The following RGL2 variants were observed in gnomAD, a reference collection of about 807,000 sequenced individuals.
The protein encoded by RGL2 is ral guanine nucleotide dissociation stimulator-like 2.
RGL2 carries 40 observed loss-of-function variants against 84.6 expected under a neutral mutation model. The observed-to-expected ratio is 0.47, with a 90% CI of 0.37 to 0.62. The LOEUF (loss-of-function observed/expected upper bound fraction) is 0.62, where lower values mean the gene tolerates loss of function less well. Ranked by LOEUF, RGL2 falls within the 20% of genes least tolerant of loss-of-function variation. RGL2 has a pLI of 0.00. For missense variants in RGL2, 865 were observed against 1,019.7 expected (o/e 0.85, Z 2.07); for synonymous variants, 369 against 417.3 (o/e 0.88, Z 1.41).
In RGL2 at chr6:33,297,083, ATCC is replaced by A. The variant is rs1161287940; in HGVS notation, c.186_188del (p.Glu62del). 2.5e-6 allele frequency: 4 copies of A among 1,570,012 alleles called. No homozygotes were observed. Among genetic ancestry groups the A allele is most frequent in the Admixed American group, 1.9e-5 (1 of 53,020 alleles). Reference sequence around the variant, plus strand: ...GGCTTGTGACGGTAAACACGGCACCATCCTCCTCCTCATCCCAGACGGACACAG... The same window carrying A: ...GGCTTGTGACGGTAAACACGGCACCATCCTCCTCATCCCAGACGGACACAG... On this transcript the variant is annotated inframe_deletion, in exon 3 of 18. Transcript: ENST00000497454. This position sits in a 1 kb window ranked among gnomAD's most constrained non-coding sequence, Gnocchi z 4.0.
In RGL2 at chr6:33,291,817, A is replaced by C; in HGVS notation, c.*285T>G. 1.8e-6 allele frequency: 1 copy of C among 569,344 alleles called. No individual in the cohort carries two copies. Among genetic ancestry groups the C allele is most frequent in the Non-Finnish European group, 3.1e-6 (1 of 321,240 alleles). 35.3% of individuals were successfully genotyped at this position (569,344 alleles called of 1,614,324 possible). A position where few individuals can be genotyped will look rare whatever the true frequency, so the allele number is the denominator to read the frequency against. ...TTGCTTGGCCCTTGCATGTTAGGAT[A>C]TGGCCAAGAATCAGAAACTGATGCG... is the stretch of plus-strand genomic sequence containing the variant. On this transcript the variant is annotated 3_prime_UTR_variant, in exon 18 of 18. Transcript: ENST00000497454.
chr6:33,297,279 C>A lies in RGL2; in HGVS notation c.157-164G>T. On this transcript the variant is annotated intron_variant, in intron 2 of 17. Coordinates refer to ENST00000497454, the MANE Select transcript of RGL2 (RefSeq NM_004761.5). The surrounding 1 kb of genome is among the most constrained non-coding windows in gnomAD (Gnocchi z 4.0). ...GTTGGGGGAGCTGGTGACCCCAGGT[C>A]TCCCCCACTGGGGCCCAGACAGCCC... 1 of 568,594 alleles carries A rather than the reference C, an allele frequency of 1.8e-6. No individual in the cohort carries two copies. 35.2% of individuals were successfully genotyped at this position (568,594 alleles called of 1,614,324 possible). A position where few individuals can be genotyped will look rare whatever the true frequency, so the allele number is the denominator to read the frequency against.
upstream of RGL2, chr6:33,300,909 T>G (rs1434892850): frequency 1.4e-5 from 2 of 144,174 alleles, no homozygotes; most frequent in East Asian, 4.1e-4. Flanking sequence ...GAGCTTGCAG[T>G]GAGCCGAGAT....
chr6:33,292,640 G>A, intron 16 of RGL2, 96 bp from the exon 17 acceptor site: 1 of 1,033,522 alleles, frequency 9.7e-7, no homozygotes, highest in Non-Finnish European at 1.5e-6. Context: ...TGTTACTTGT[G>A]TCCAAGGCTT....
At position 33,293,819 on chromosome 6, in the gene RGL2, A is replaced by G; in HGVS notation, c.1484T>C (p.Leu495Pro). The G allele has an allele frequency of 6.2e-7, 1 of 1,614,120 alleles. No individual in the cohort carries two copies. The highest frequency in any genetic ancestry group is 8.5e-7 in the Non-Finnish European group (1 of 1,180,020). The change falls in exon 13 of 18, where the codon CTC (leucine) becomes CCC (proline). Residue 495 changes from leucine (L) to proline (P), a missense_variant. By Grantham distance (98) the Leu-to-Pro change is moderately conservative (BLOSUM62 -3). Transcript: ENST00000497454. The surrounding 1 kb of genome is among the most constrained non-coding windows in gnomAD (Gnocchi z 7.0). ...DHDIQRWLQG[L>P]RPLTEAQSHR... ...CCTCTGAGCCTCTGTCAGTGGCCGG[A>G]GCCCCTGTAGCCACCTCTGGATATC...
At position 33,294,149 on chromosome 6, in the gene RGL2, C is replaced by G; in HGVS notation, c.1354-83G>C. The G allele has an allele frequency of 6.6e-7, 1 of 1,507,202 alleles. No homozygotes were observed. Among genetic ancestry groups the G allele is most frequent in the Non-Finnish European group, 9.0e-7 (1 of 1,109,222 alleles). The allele number at this position is 1,507,202 out of a possible 1,614,324, so 93.4% of individuals were successfully genotyped here. A position where few individuals can be genotyped will look rare whatever the true frequency, so the allele number is the denominator to read the frequency against. On this transcript the variant is annotated intron_variant, in intron 11 of 17. Transcript: ENST00000497454. The surrounding 1 kb of genome is among the most constrained non-coding windows in gnomAD (Gnocchi z 5.0). ...GAGAATATCCCCTCTCTTAAACACA[C>G]ACAGCCACATCCAACTCACAACCAC...
Position 33,293,513 on chromosome 6 carries a change from G to A in RGL2, c.1616C>T (p.Ser539Phe). The change falls in exon 15 of 18, where the codon TCT (serine) becomes TTT (phenylalanine). Residue 539 changes from serine to phenylalanine, a missense_variant. By Grantham distance (155) the Ser-to-Phe change is radical. Coordinates refer to ENST00000497454, the MANE Select transcript of RGL2 (RefSeq NM_004761.5). The surrounding 1 kb of genome is among the most constrained non-coding windows in gnomAD (Gnocchi z 7.0). Reference protein sequence around the residue: ...VISQWTEVLGSVGVPTPLVSC... With the variant: ...VISQWTEVLGFVGVPTPLVSC... ...CACAAGCGGGGTAGGGACCCCAACA[G>A]AGCCCAAAACCCTGCAGTGGCAGGA... The A allele has an allele frequency of 6.2e-7, 1 of 1,613,910 alleles. No individual in the cohort carries two copies.
In RGL2 at chr6:33,293,874, A is replaced by G; in HGVS notation, c.1429T>C (p.Cys477Arg). 1 of 1,614,056 alleles carries G rather than the reference A, an allele frequency of 6.2e-7. No individual in the cohort carries two copies. Residue 477 changes from cysteine (C) to arginine (R), a missense_variant, in exon 13 of 18, where the codon TGT becomes CGT. By Grantham distance (180) the Cys-to-Arg change is radical (BLOSUM62 -3). Coordinates refer to ENST00000497454, the MANE Select transcript of RGL2 (RefSeq NM_004761.5). The surrounding 1 kb of genome is among the most constrained non-coding windows in gnomAD (Gnocchi z 7.0). Reference protein sequence around the residue: ...LSELRRLQNECRGYNLQPDHD... With the variant: ...LSELRRLQNERRGYNLQPDHD... ...TCAGGTTGGAGGTTATAGCCACGAC[A>G]TTCATTCTGGAGCCGTCGCAACTCA...
upstream of RGL2, chr6:33,301,573 CAAAAAAA>C (rs11350807): frequency 1.9e-5 from 8 of 426,812 alleles, no homozygotes; most frequent in Admixed American, 3.7e-4. Context: ...GACTCCGTCT[CAAAAAAA>C]AAAAAAAAAG....
Position 33,291,919 on chromosome 6 carries a change from C to T in RGL2, c.*183G>A, listed in dbSNP as rs888257167. The T allele has an allele frequency of 3.1e-6, 2 of 651,104 alleles. No individual in the cohort carries two copies. Among genetic ancestry groups the T allele is most frequent in the African/African-American group, 1.8e-5 (1 of 54,950 alleles). The allele number at this position is 651,104 out of a possible 1,614,324, so 40.3% of individuals were successfully genotyped here. ...ACAGGTATCCAACTTGGTTATAAGA[C>T]ACCAGTTCCCACAGGGCTGGATTTC... On this transcript the variant is annotated 3_prime_UTR_variant, in exon 18 of 18. Transcript: ENST00000497454.
Position 33,294,645 on chromosome 6 carries a change from C to T in RGL2, c.1353+43G>A. The T allele has an allele frequency of 3.1e-6, 5 of 1,608,862 alleles. No individual in the cohort carries two copies. Among genetic ancestry groups the T allele is most frequent in the Non-Finnish European group, 4.3e-6 (5 of 1,176,058 alleles). On this transcript the variant is annotated intron_variant, in intron 11 of 17. Transcript: ENST00000497454. This position sits in a 1 kb window ranked among gnomAD's most constrained non-coding sequence, Gnocchi z 5.0. ...GGGGGGTCTGTCCGACCCTGCAGCC[C>T]ACTTGTTACATCATTGCAATGACAC...
chr6:33,297,103 C>G lies in RGL2; in HGVS notation c.169G>C (p.Val57Leu), dbSNP rs777142776. 1 of 1,557,772 alleles carries G rather than the reference C, an allele frequency of 6.4e-7. No homozygotes were observed. Among genetic ancestry groups the G allele is most frequent in the Non-Finnish European group, 8.6e-7 (1 of 1,156,682 alleles). The change falls in exon 3 of 18, where the codon GTC becomes CTC. Residue 57 changes from valine (V) to leucine (L), a missense_variant. Transcript: ENST00000497454. The surrounding 1 kb of genome is among the most constrained non-coding windows in gnomAD (Gnocchi z 4.0). ...EEEEEEAPVS[V>L]WDEEEDGAVF... ...GCACCATCCTCCTCCTCATCCCAGA[C>G]GGACACAGGGGCCTGGAGGAGCAAG... is the stretch of plus-strand genomic sequence containing the variant.
upstream of RGL2, chr6:33,301,573 CAAAAAAAAAAAA>C: frequency 2.4e-6 from 1 of 422,542 alleles, no homozygotes; most frequent in Non-Finnish European, 4.1e-6. Context: ...GACTCCGTCT[CAAAAAAAAAAAA>C]AAAAGAAAAA....
chr6:33,293,405 G>C lies in RGL2; in HGVS notation c.1716+8C>G, dbSNP rs1418851056. The C allele has an allele frequency of 2.5e-6, 4 of 1,612,276 alleles. No individual in the cohort carries two copies. Among genetic ancestry groups the C allele is most frequent in the Non-Finnish European group, 3.4e-6 (4 of 1,179,268 alleles). Reference sequence around the variant, plus strand: ...AGCGTCAAGGTCAGAGTCAGGAGCAGAGCTCACCTGGGCCAGCCGAGTCAG... The same window carrying C: ...AGCGTCAAGGTCAGAGTCAGGAGCACAGCTCACCTGGGCCAGCCGAGTCAG... On this transcript the variant is annotated splice_region_variant and intron_variant, in intron 15 of 17. Coordinates refer to ENST00000497454, the MANE Select transcript of RGL2 (RefSeq NM_004761.5). This position sits in a 1 kb window ranked among gnomAD's most constrained non-coding sequence, Gnocchi z 7.0.
At position 33,295,905 on chromosome 6, in the gene RGL2, A is replaced by G. The variant is rs1767898902; in HGVS notation, c.768+123T>C. On this transcript the variant is annotated intron_variant, in intron 6 of 17. Transcript: ENST00000497454. The surrounding 1 kb of genome is among the most constrained non-coding windows in gnomAD (Gnocchi z 7.2). ...GACCAAAGGGAAAAGGGGAGAATCAAAATGGTAGGTGGAGGAGGCTAGGAG... is the reference window on the plus strand; with the variant it reads ...GACCAAAGGGAAAAGGGGAGAATCAGAATGGTAGGTGGAGGAGGCTAGGAG... 1 of 1,450,216 alleles carries G rather than the reference A, an allele frequency of 6.9e-7. No individual in the cohort carries two copies. The highest frequency in any genetic ancestry group is 9.5e-7 in the Non-Finnish European group (1 of 1,054,242). 89.8% of individuals were successfully genotyped at this position (1,450,216 alleles called of 1,614,324 possible).
rs780676492 is a variant in RGL2, at chr6:33,295,399, G to A, written c.1044C>T (p.Phe348=). The change falls in exon 8 of 18, where the codon TTC becomes TTT. Residue 348 remains phenylalanine, a synonymous_variant. Coordinates refer to ENST00000497454, the MANE Select transcript of RGL2 (RefSeq NM_004761.5). This position sits in a 1 kb window ranked among gnomAD's most constrained non-coding sequence, Gnocchi z 7.2. The stretch of plus-strand genomic sequence containing the variant: ...CTGACACCACGGCATAAACTGAAGA[G>A]AAGTTTCGGAGCAGCCGGCACTCCT... The part of the protein sequence containing the change: ...VAEECRLLRN[F]SSVYAVVSAL... 1.9e-6 allele frequency: 3 copies of A among 1,610,958 alleles called. No homozygotes were observed. The highest frequency in any genetic ancestry group is 2.2e-5 in the East Asian group (1 of 44,844).
chr6:33,298,668 TGGGGTG>T lies in RGL2; in HGVS notation c.-41-23_-41-18del. On this transcript the variant is annotated intron_variant, in intron 1 of 17. Transcript: ENST00000497454. This position sits in a 1 kb window ranked among gnomAD's most constrained non-coding sequence, Gnocchi z 4.8. ...TGGGGGCGCCTGGGGAGAGACGGGG[TGGGGTG>T]GGGGTGGAGAGTCAGGCAGGCGCGG... is the stretch of plus-strand genomic sequence containing the variant. 4.3e-6 allele frequency: 2 copies of T among 465,928 alleles called. No individual in the cohort carries two copies. Among genetic ancestry groups the T allele is most frequent in the Non-Finnish European group, 6.4e-6 (2 of 310,662 alleles). 28.9% of individuals were successfully genotyped at this position (465,928 alleles called of 1,614,324 possible).
In RGL2 at chr6:33,296,051, C is replaced by G. The variant is rs778849641; in HGVS notation, c.745G>C (p.Glu249Gln). Residue 249 changes from glutamate (E) to glutamine (Q), a missense_variant, in exon 6 of 18, where the codon GAA (glutamate) becomes CAA (glutamine). Physicochemically the swap from Glu to Gln is conservative, Grantham distance 29. Transcript: ENST00000497454. This position sits in a 1 kb window ranked among gnomAD's most constrained non-coding sequence, Gnocchi z 5.0. The stretch of plus-strand genomic sequence containing the variant: ...ACCGCATCTAGCAGGGTCAGCTGTT[C>G]GGCCAAGTGGTCAGCGAGGAACACC... The part of the protein sequence containing the change: ...VLVFLADHLA[E>Q]QLTLLDAELF... 1 of 1,613,688 alleles carries G rather than the reference C, an allele frequency of 6.2e-7. No individual in the cohort carries two copies.
rs201315242 is a variant in RGL2, at chr6:33,292,089, C to A, written c.*13G>T. 6.2e-7 allele frequency: 1 copy of A among 1,614,016 alleles called. No homozygotes were observed. The highest frequency in any genetic ancestry group is 8.5e-7 in the Non-Finnish European group (1 of 1,179,938). ...GAACACCATGACTTCTGTAAGCCAA[C>A]GGGGCTTCCTCCTCAGAACAGTGCC... On this transcript the variant is annotated 3_prime_UTR_variant, in exon 18 of 18. Coordinates refer to ENST00000497454, the MANE Select transcript of RGL2 (RefSeq NM_004761.5).
Sources: gnomAD v4.1 joint callset for allele counts on GRCh38, gnomAD v4.1.1 for gene constraint, Gnocchi (gnomAD v3.1) non-coding constraint, MANE v1.5 for transcripts, NCBI Gene and HGNC (gene_info 2026-07-23, HGNC 2026-07-21) for gene names.